TGFB1: variants seen among roughly 807,000 people sequenced by gnomAD.
TGFB1 encodes the protein transforming growth factor beta 1.
Under a neutral mutation model 43.8 loss-of-function variants are expected in TGFB1, and 19 were observed. The observed-to-expected ratio is 0.43, with a 90% CI of 0.30 to 0.64. The LOEUF is 0.64. TGFB1 is among the 30% of genes least tolerant of loss of function. The probability of loss-of-function intolerance (pLI) is 0.11; values close to 1 mark genes in which losing one functional copy is unlikely to be tolerated. For synonymous variants in TGFB1, 221 were observed against 236.3 expected (o/e 0.94, Z 0.60); for missense variants, 445 against 529.8 (o/e 0.84, Z 1.57).
At position 41,342,030 on chromosome 19, in the gene TGFB1, C is replaced by T; in HGVS notation, c.713G>A (p.Gly238Glu). 1 of 1,614,120 alleles carries T rather than the reference C, an allele frequency of 6.2e-7. No individual in the cohort carries two copies. The highest frequency in any genetic ancestry group is 8.5e-7 in the Non-Finnish European group (1 of 1,179,986). ...GTCACCTCGGCGGCCGGTAGTGAAC[C>T]CTGCTTTGGTGTGGGAGTCAGGGGA... ...RDNTLQVDIN[G>E]FTTGRRGDLA... is the part of the protein sequence containing the mutation. Residue 238 changes from glycine to glutamate, a missense_variant and splice_region_variant, in exon 5 of 7, where the codon GGG becomes GAG. Physicochemically the swap from Gly to Glu is moderately conservative, Grantham distance 98 (BLOSUM62 -2). Transcript: ENST00000221930.
In TGFB1 at chr19:41,344,732, A is replaced by G; in HGVS notation, c.634+15T>C. On this transcript the variant is annotated intron_variant, in intron 3 of 6. Coordinates refer to ENST00000221930, the MANE Select transcript of TGFB1 (RefSeq NM_000660.7). ...CCAGGGAGAAACAGGGGTGGGACAC[A>G]CAAGTAATCCTCACCTCCACGGCTC... The G allele has an allele frequency of 1.2e-6, 2 of 1,612,176 alleles. No individual in the cohort carries two copies. The highest frequency in any genetic ancestry group is 1.7e-6 in the Non-Finnish European group (2 of 1,178,742).
intron 5 of TGFB1, among the ~76,000 whole-genome samples, chr19:41,340,287 C>T (rs538279481): frequency 2.9e-5 from 4 of 138,584 alleles, no homozygotes; most frequent in East Asian, 4.2e-4. Context: ...GATGGAGTCT[C>T]GCATCATTGC....
At chr19:41,334,782 A>G (rs1193501507) in intron 5 of TGFB1, among the ~76,000 whole-genome samples, 1 of 151,560 alleles carries the variant, frequency 6.6e-6, no homozygotes, top group Non-Finnish European at 1.5e-5. Flanking sequence ...GGAAGTCAAG[A>G]AACTGAGATC....
intron 5 of TGFB1, among the ~76,000 whole-genome samples, chr19:41,332,771 A>ACC: frequency 6.6e-6 from 1 of 152,222 alleles, no homozygotes; most frequent in Non-Finnish European, 1.5e-5. Context: ...TGGGAGGATG[A>ACC]AGTGGGAGGA....
At chr19:41,344,959 A>G in intron 2 of TGFB1, 95 bp from the exon 3 acceptor site, 1 of 1,231,490 alleles carries the variant, frequency 8.1e-7, no homozygotes. Context: ...TGCTTCCCCA[A>G]ACAGGCTTCC....
Position 41,353,088 on chromosome 19 carries a change from G to C in TGFB1, c.-44C>G. On this transcript the variant is annotated 5_prime_UTR_variant, in exon 1 of 7. Transcript: ENST00000221930. This position sits in a 1 kb window ranked among gnomAD's most constrained non-coding sequence, Gnocchi z 5.9. ...CGGCACTGCCGAGAGCGCGAACAGG[G>C]CTGGTGTGGTGGGGAGGCCCCGCCC... 6.8e-7 allele frequency: 1 copy of C among 1,475,838 alleles called. No homozygotes were observed. The highest frequency in any genetic ancestry group is 8.9e-7 in the Non-Finnish European group (1 of 1,118,690). 91.4% of individuals were successfully genotyped at this position (1,475,838 alleles called of 1,614,324 possible).
chr19:41,338,200 AAAC>A (rs2038010411), intron 5 of TGFB1, among the ~76,000 whole-genome samples: 1 of 151,426 alleles, frequency 6.6e-6, no homozygotes, highest in Admixed American at 6.6e-5. Context: ...TCAAAAAAAA[AAAC>A]AAAGAATACG....
Position 41,353,230 on chromosome 19 carries a change from TC to T in TGFB1, c.-187del. 1 of 695,342 alleles carries T rather than the reference TC, an allele frequency of 1.4e-6. No individual in the cohort carries two copies. The highest frequency in any genetic ancestry group is 2.3e-6 in the Non-Finnish European group (1 of 443,970). The allele number at this position is 695,342 out of a possible 1,614,324, so 43.1% of individuals were successfully genotyped here. A position where few individuals can be genotyped will look rare whatever the true frequency, so the allele number is the denominator to read the frequency against. Reference sequence around the variant, plus strand: ...GGCTTGGACCGGGGGTGTCTCAGTATCCCACGGAAATAACCTAGATGGGCGC... The same window carrying T: ...GGCTTGGACCGGGGGTGTCTCAGTATCCACGGAAATAACCTAGATGGGCGC... On this transcript the variant is annotated 5_prime_UTR_variant, in exon 1 of 7. Coordinates refer to ENST00000221930, the MANE Select transcript of TGFB1 (RefSeq NM_000660.7). The surrounding 1 kb of genome is among the most constrained non-coding windows in gnomAD (Gnocchi z 5.9).
chr19:41,342,314 A>C, intron 3 of TGFB1, 67 bp from the exon 4 acceptor site: 1 of 1,516,936 alleles, frequency 6.6e-7, no homozygotes, highest in Non-Finnish European at 9.0e-7. Context: ...AGGAAGAGGA[A>C]GGAAGGAGCA....
rs1026878097 is a variant in TGFB1 at position 41,353,493 on chromosome 19, G to C, written c.-449C>G. 6.3e-6 allele frequency: 1 copy of C among 158,206 alleles called. No homozygotes were observed. Among genetic ancestry groups the C allele is most frequent in the East Asian group, 1.9e-4 (1 of 5,310 alleles). The allele number at this position is 158,206 out of a possible 1,614,324, so 9.8% of individuals were successfully genotyped here. A position where few individuals can be genotyped will look rare whatever the true frequency, so the allele number is the denominator to read the frequency against. On this transcript the variant is annotated 5_prime_UTR_variant, in exon 1 of 7. Coordinates refer to ENST00000221930, the MANE Select transcript of TGFB1 (RefSeq NM_000660.7). The surrounding 1 kb of genome is among the most constrained non-coding windows in gnomAD (Gnocchi z 5.9). ...GGGGCGCCTGAGGGACGCCGTGTAG[G>C]GGGCAGGGAGGGAGCAAGCGTCCCC...
chr19:41,331,320 T>C lies in TGFB1; in HGVS notation c.1015-110A>G, dbSNP rs2037928196. ...GCGCCAGCCTCTCTCACTTCGTCTC[T>C]CCCCGCATCCCCTCTTCCCATCTCC... On this transcript the variant is annotated intron_variant, in intron 6 of 6. Transcript: ENST00000221930. The C allele has an allele frequency of 4.7e-6, 6 of 1,274,752 alleles. No individual in the cohort carries two copies. In the East Asian group the frequency reaches 1.6e-4, roughly 35 times the overall value. 79.0% of individuals were successfully genotyped at this position (1,274,752 alleles called of 1,614,324 possible).
At position 41,330,787 on chromosome 19, in the gene TGFB1, T is replaced by C. The variant is rs145297814; in HGVS notation, c.*265A>G. 336 of 461,962 alleles carry C rather than the reference T, an allele frequency of 7.3e-4. 1 individual carries two copies. The highest frequency in any genetic ancestry group is 6.6e-3 in the African/African-American group (317 of 47,752). The allele number at this position is 461,962 out of a possible 1,614,324, so 28.6% of individuals were successfully genotyped here. On this transcript the variant is annotated 3_prime_UTR_variant, in exon 7 of 7. Transcript: ENST00000221930. ...TGTTCCCCACTGGTCCCCTGTGCCT[T>C]GATGCCGGGCAAAGGAATAGTGCAG...
chr19:41,344,331 C>G (rs1286613303), intron 3 of TGFB1, among the ~76,000 whole-genome samples: 2 of 152,036 alleles, frequency 1.3e-5, no homozygotes, highest in Admixed American at 6.6e-5. Flanking sequence ...TCTACTCATC[C>G]CTTCAACATC....
chr19:41,340,366 C>T (rs1021588813), intron 5 of TGFB1, among the ~76,000 whole-genome samples: 1 of 151,404 alleles, frequency 6.6e-6, no homozygotes. Flanking sequence ...CAGTGATTCT[C>T]CTGCCCCAGC....
chr19:41,337,023 T>A lies in TGFB1; in HGVS notation c.861-4742A>T, dbSNP rs372750405. Among the ~76,000 whole-genome samples, 10 of 151,986 alleles carry A rather than the reference T, an allele frequency of 6.6e-5. No homozygotes were observed. The South Asian group carries it at 1.9e-3, about 28-fold the overall frequency. ...CCCAGGATGCAGTGAAGTGGTGCAA[T>A]CTCGGGTCACTGCAACCTGTGCCTC... On this transcript the variant is annotated intron_variant, in intron 5 of 6. Coordinates refer to ENST00000221930, the MANE Select transcript of TGFB1 (RefSeq NM_000660.7).
At chr19:41,334,718 CG>C (rs1415940202) in intron 5 of TGFB1, among the ~76,000 whole-genome samples, 1 of 151,668 alleles carries the variant, frequency 6.6e-6, no homozygotes, top group Non-Finnish European at 1.5e-5. Context: ...CAAGTGGCAC[CG>C]GATAACCTAG....
At chr19:41,334,143 G>C (rs551801144) in intron 5 of TGFB1, among the ~76,000 whole-genome samples, 1 of 152,318 alleles carries the variant, frequency 6.6e-6, no homozygotes, top group South Asian at 2.1e-4. Flanking sequence ...GGGAGGCCAA[G>C]GCGGGTGGAT....
rs1800472 is a variant in TGFB1 at position 41,341,955 on chromosome 19, G to A, written c.788C>T (p.Thr263Ile). The change falls in exon 5 of 7, where the codon ACC (threonine) becomes ATC (isoleucine). Residue 263 changes from threonine to isoleucine, a missense_variant. Around this residue, in one of 3 missense-constraint regions of TGFB1, gnomAD observed 366 missense variants for 428.8 expected, o/e 0.85. Transcript: ENST00000221930. The stretch of plus-strand genomic sequence containing the variant: ...CAGATGCTGGGCCCTCTCCAGCGGG[G>A]TGGCCATGAGAAGCAGGAAAGGCCG... ...MNRPFLLLMA[T>I]PLERAQHLQS... 38,291 of 1,614,180 alleles carry A rather than the reference G, an allele frequency of 0.024. 730 individuals are homozygous for A. The highest frequency in any genetic ancestry group is 0.059 in the Middle Eastern group (355 of 6,062).
chr19:41,352,499 AC>A lies in TGFB1; in HGVS notation c.355+190del, dbSNP rs201600672. On this transcript the variant is annotated intron_variant, in intron 1 of 6. Transcript: ENST00000221930. The stretch of plus-strand genomic sequence containing the variant: ...TATCTCCTCCTCTCCAAGACCAGAC[AC>A]CTGGGTGGTAGGGGGCTCAGTGCCA... Among the ~76,000 whole-genome samples the A allele has an allele frequency of 6.9e-3, 1,050 of 152,118 alleles. 8 individuals carry two copies. Among genetic ancestry groups the A allele is most frequent in the African/African-American group, 0.022 (924 of 41,482 alleles).
Sources: allele counts gnomAD v4.1 joint callset (sites outside exome capture counted in the v4.1 genomes callset), GRCh38; gene constraint gnomAD v4.1.1; regional missense constraint gnomAD v4.1.1; non-coding constraint Gnocchi (gnomAD v3.1); transcripts MANE v1.5; gene names NCBI Gene and HGNC (gene_info 2026-07-23, HGNC 2026-07-21).